Variants in NXPE4 observed in about 807,000 individuals in gnomAD.
NXPE4 encodes the protein neurexophilin and PC-esterase domain family member 4, also known as NXPE family member 4.
A neutral mutation model predicts 33.3 loss-of-function variants in NXPE4; 42 were observed. The ratio of observed to expected loss-of-function variants is 1.26; its 90% CI spans 0.98 to 1.63. The LOEUF (loss-of-function observed/expected upper bound fraction) is 1.63. Ranked by LOEUF, NXPE4 falls within the 40% of genes most tolerant of loss-of-function variation. NXPE4 has a pLI of 0.00. For missense variants in NXPE4, 709 were observed against 647.6 expected (o/e 1.09, Z -1.03); for synonymous variants, 253 against 234.9 (o/e 1.08, Z -0.71).
the NXPE4 span, among the ~76,000 whole-genome samples, chr11:114,602,275 A>G: frequency 1.7e-5 from 2 of 118,604 alleles, no homozygotes; most frequent in Non-Finnish European, 3.2e-5. Context: ...TATATATTAT[A>G]CTATATATAT....
the NXPE4 span, among the ~76,000 whole-genome samples, chr11:114,612,480 C>T: frequency 1.3e-5 from 2 of 149,784 alleles, no homozygotes; most frequent in Non-Finnish European, 3.0e-5. Context: ...TCATGGGAAA[C>T]CACTGTTACC....
chr11:114,629,054 C>T, the NXPE4 span, among the ~76,000 whole-genome samples: 2 of 151,968 alleles, frequency 1.3e-5, 1 homozygote, highest in Admixed American at 1.3e-4. Context: ...AAAAAGAGTC[C>T]AGGACCAGAT....
the NXPE4 span, among the ~76,000 whole-genome samples, chr11:114,623,815 G>A: frequency 3.3e-5 from 5 of 151,958 alleles, no homozygotes; most frequent in East Asian, 3.9e-4. Flanking sequence ...GAATTGCCTC[G>A]TGGGTAACCA....
the NXPE4 span, among the ~76,000 whole-genome samples, chr11:114,668,352 C>T: frequency 3.9e-5 from 6 of 151,914 alleles, no homozygotes; most frequent in African/African-American, 1.4e-4. Context: ...ATAAGCCACT[C>T]CTAAGTTCTC....
chr11:114,587,113 G>C (rs1015874148), intron 2 of NXPE4, among the ~76,000 whole-genome samples: 1 of 152,098 alleles, frequency 6.6e-6, no homozygotes, highest in Non-Finnish European at 1.5e-5. Context: ...CCTAATTCTC[G>C]CTTTTTTTGC....
chr11:114,677,780 A>G, the NXPE4 span, among the ~76,000 whole-genome samples: 4 of 152,082 alleles, frequency 2.6e-5, no homozygotes, highest in Admixed American at 6.6e-5. Context: ...TCATCTATCT[A>G]TATCTGTATA....
the NXPE4 span, among the ~76,000 whole-genome samples, chr11:114,642,892 A>G: frequency 2.0e-5 from 3 of 152,034 alleles, no homozygotes; most frequent in Admixed American, 1.3e-4. Context: ...AGTGTAAAAT[A>G]ATTCCTACTT....
the NXPE4 span, among the ~76,000 whole-genome samples, chr11:114,644,670 G>A: frequency 6.6e-6 from 1 of 152,030 alleles, no homozygotes; most frequent in African/African-American, 2.4e-5. Flanking sequence ...TGAACTGGAA[G>A]TTCTAATATC....
chr11:114,602,015 TATATA>T, the NXPE4 span, among the ~76,000 whole-genome samples: 292 of 90,574 alleles, frequency 3.2e-3, 2 homozygotes, highest in Middle Eastern at 0.029. Flanking sequence ...TATTATATTA[TATATA>T]ATATATGTTA....
intron 4 of NXPE4, among the ~76,000 whole-genome samples, chr11:114,581,103 T>G (rs78208464): frequency 0.088 from 13,353 of 152,256 alleles, 769 homozygotes; most frequent in Middle Eastern, 0.21. Context: ...TTAGCAAGGC[T>G]TTCTTTCTTT....
the NXPE4 span, among the ~76,000 whole-genome samples, chr11:114,623,037 C>T: frequency 6.6e-6 from 1 of 151,998 alleles, no homozygotes; most frequent in Non-Finnish European, 1.5e-5. Context: ...CCCCTGTTAC[C>T]CGGTGGATAA....
intron 1 of NXPE4, among the ~76,000 whole-genome samples, chr11:114,595,317 T>C (rs1367589007): frequency 2.6e-5 from 4 of 152,178 alleles, no homozygotes; most frequent in Non-Finnish European, 5.9e-5. Context: ...CTTAAAAAAA[T>C]TTCAGGCTTT....
At chr11:114,650,435 G>A in the NXPE4 span, among the ~76,000 whole-genome samples, 1 of 152,212 alleles carries the variant, frequency 6.6e-6, no homozygotes, top group East Asian at 1.9e-4. Flanking sequence ...AGGAGATTGA[G>A]AGGGTACTCC....
chr11:114,663,032 C>T, the NXPE4 span, among the ~76,000 whole-genome samples: 1 of 152,162 alleles, frequency 6.6e-6, no homozygotes, highest in Admixed American at 6.6e-5. Context: ...TCTTATACGG[C>T]ATTTCTGGTC....
At position 114,574,541 on chromosome 11, in the gene NXPE4, A is replaced by G. The variant is rs372143504; in HGVS notation, c.1100-3068T>C. Among the ~76,000 whole-genome samples, 20 of 152,262 alleles carry G rather than the reference A, an allele frequency of 1.3e-4. 1 individual carries two copies. The East Asian group carries it at 2.5e-3, about 19-fold the overall frequency. On this transcript the variant is annotated intron_variant, in intron 5 of 5. Transcript: ENST00000375478. ...ATATTACAACTGATACCACAGAAAT[A>G]TGAAAGATTATTCAAGGCTACTGTG...
chr11:114,588,061 C>G (rs921260272), intron 2 of NXPE4, among the ~76,000 whole-genome samples: 1 of 152,192 alleles, frequency 6.6e-6, no homozygotes, highest in African/African-American at 2.4e-5. Context: ...GCACAATCAG[C>G]TCAGCTCTTT....
At chr11:114,605,159 T>A in the NXPE4 span, among the ~76,000 whole-genome samples, 1 of 151,572 alleles carries the variant, frequency 6.6e-6, no homozygotes, top group Non-Finnish European at 1.5e-5. Flanking sequence ...TTCCCAGGGA[T>A]AATAAGTGTT....
chr11:114,643,474 T>C, the NXPE4 span, among the ~76,000 whole-genome samples: 1 of 152,144 alleles, frequency 6.6e-6, no homozygotes, highest in South Asian at 2.1e-4. Flanking sequence ...TTTCTGTATA[T>C]GGCTAGGCAG....
intron 2 of NXPE4, chr11:114,584,213 T>C: frequency 2.6e-6 from 1 of 383,110 alleles, no homozygotes; most frequent in South Asian, 2.2e-5. Context: ...GCTGTGGCTC[T>C]GGATATGGAG....
Sources: gnomAD v4.1 joint callset for allele counts (sites outside exome capture counted in the v4.1 genomes callset) on GRCh38, gnomAD v4.1.1 for gene constraint, MANE v1.5 for transcripts, NCBI Gene and HGNC (gene_info 2026-07-23, HGNC 2026-07-21) for gene names.